Variants in HMCN1 observed in about 807,000 individuals in gnomAD.
The protein encoded by HMCN1 is hemicentin-1.
In HMCN1, 321 loss-of-function variants were observed where a neutral mutation model predicts 625.9. That is an observed-to-expected ratio of 0.51 (90% CI 0.47 to 0.56). HMCN1 has a LOEUF of 0.56. Ranked by LOEUF, HMCN1 falls within the 20% of genes least tolerant of loss-of-function variation. The pLI is 0.00. For missense variants in HMCN1, 6,588 were observed against 6,887.3 expected (o/e 0.96, Z 1.54); for synonymous variants, 2,425 against 2,417.6 (o/e 1.00, Z -0.09).
At chr1:185,795,322 T>C (rs1023800550) in intron 1 of HMCN1, among the ~76,000 whole-genome samples, 13 of 152,208 alleles carry the variant, frequency 8.5e-5, no homozygotes, top group Admixed American at 3.9e-4. Flanking sequence ...TCTTGTTACT[T>C]CATATAATCA....
chr1:186,124,800 T>A (rs1303583758), intron 81 of HMCN1, among the ~76,000 whole-genome samples: 6 of 152,144 alleles, frequency 3.9e-5, no homozygotes, highest in Non-Finnish European at 7.4e-5. Context: ...TCTGATTTGT[T>A]TGAATAATTC....
chr1:185,795,600 T>C (rs897632447), intron 1 of HMCN1, among the ~76,000 whole-genome samples: 10 of 152,146 alleles, frequency 6.6e-5, no homozygotes, highest in Non-Finnish European at 1.3e-4. Context: ...TGTTTGAAGT[T>C]CTCAGAAAAA....
intron 30 of HMCN1, among the ~76,000 whole-genome samples, chr1:186,013,524 T>C (rs1354298534): frequency 1.3e-5 from 2 of 152,118 alleles, no homozygotes; most frequent in Non-Finnish European, 2.9e-5. Context: ...CAGAAAATAT[T>C]AAGGTACACC....
At position 185,776,509 on chromosome 1, in the gene HMCN1, G is replaced by A. The variant is rs537359915; in HGVS notation, c.268+41462G>A. On this transcript the variant is annotated intron_variant, in intron 1 of 106. Transcript: ENST00000271588. Reference sequence around the variant, plus strand: ...TTTAGTCAATGAAAATAGCCATATTGTAATGTGGAGTAAATACAAATCTCT... The same window carrying A: ...TTTAGTCAATGAAAATAGCCATATTATAATGTGGAGTAAATACAAATCTCT... 2.0e-5 allele frequency among the ~76,000 whole-genome samples: 3 copies of A among 151,502 alleles called. No individual in the cohort carries two copies. The East Asian group carries it at 5.8e-4, about 29-fold the overall frequency.
chr1:186,038,341 T>A (rs1245728712), intron 37 of HMCN1, among the ~76,000 whole-genome samples: 3 of 152,232 alleles, frequency 2.0e-5, no homozygotes, highest in African/African-American at 7.2e-5. Context: ...AACTTTTTTT[T>A]AACTTAAAAG....
chr1:185,748,134 A>G lies in HMCN1; in HGVS notation c.268+13087A>G, dbSNP rs770514203. 7.0e-4 allele frequency among the ~76,000 whole-genome samples: 105 copies of G among 149,004 alleles called. 1 individual carries two copies. Among genetic ancestry groups the G allele is most frequent in the Non-Finnish European group, 1.3e-3 (89 of 67,774 alleles). ...CAAAATTTTAAAAAGATATTGTACTATCTGGAATTTCAGTTTTTAAGATTC... is the reference window on the plus strand; with the variant it reads ...CAAAATTTTAAAAAGATATTGTACTGTCTGGAATTTCAGTTTTTAAGATTC... On this transcript the variant is annotated intron_variant, in intron 1 of 106. Transcript: ENST00000271588.
intron 4 of HMCN1, among the ~76,000 whole-genome samples, chr1:185,891,737 C>T (rs1665101256): frequency 6.8e-6 from 1 of 148,102 alleles, no homozygotes; most frequent in African/African-American, 2.7e-5. Context: ...TCTGGCTGCC[C>T]TTAACATTTT....
intron 4 of HMCN1, among the ~76,000 whole-genome samples, chr1:185,879,218 T>C (rs913287416): frequency 3.3e-5 from 5 of 152,230 alleles, no homozygotes. Flanking sequence ...TTGCACAGGC[T>C]AGAGTGCAGT....
chr1:186,015,477 C>T, intron 31 of HMCN1, 40 bp downstream of exon 31: 1 of 1,583,052 alleles, frequency 6.3e-7, no homozygotes, highest in Non-Finnish European at 8.7e-7. Flanking sequence ...ACCTTTCTAC[C>T]TATGCTTTCT....
At chr1:185,928,337 T>G (rs1667378284) in intron 9 of HMCN1, among the ~76,000 whole-genome samples, 1 of 152,176 alleles carries the variant, frequency 6.6e-6, no homozygotes, top group Non-Finnish European at 1.5e-5. Flanking sequence ...TTGTTTATGT[T>G]GTGTCTTTTG....
chr1:186,152,254 C>T (rs952241296), intron 95 of HMCN1, among the ~76,000 whole-genome samples: 7 of 152,298 alleles, frequency 4.6e-5, no homozygotes, highest in Admixed American at 4.6e-4. Flanking sequence ...TTTCAAGCCT[C>T]TTCACAGTTG....
chr1:186,065,486 T>G (rs941156600), intron 49 of HMCN1, 57 bp downstream of exon 49: 2 of 1,327,340 alleles, frequency 1.5e-6, no homozygotes, highest in Non-Finnish European at 2.0e-6. Flanking sequence ...TAGGCTAAAT[T>G]TTCTTTTCTT....
At chr1:186,163,900 G>GC (rs1392022053) in intron 97 of HMCN1, among the ~76,000 whole-genome samples, 2 of 152,142 alleles carry the variant, frequency 1.3e-5, no homozygotes, top group East Asian at 1.9e-4. Context: ...TTAGATGATA[G>GC]CCCCCCTATT....
chr1:186,021,512 T>C (rs7535056), intron 35 of HMCN1, among the ~76,000 whole-genome samples: 98,921 of 151,884 alleles, frequency 0.65, 34,212 homozygotes, highest in African/African-American at 0.91. Flanking sequence ...AAGGGTAAGA[T>C]GAAAAAGAAG....
Position 186,088,680 on chromosome 1 carries a change from G to T in HMCN1, c.9652G>T (p.Asp3218Tyr), listed in dbSNP as rs1307072921. ...KLQIARSQHS[D>Y]SGNYTCIASN... ...CCAGATTGCCCGGTCTCAGCATTCA[G>T]ATAGTGGAAACTATACATGTATTGC... The change falls in exon 63 of 107, where the codon GAT becomes TAT. Residue 3218 changes from aspartate (D) to tyrosine (Y), a missense_variant. By Grantham distance (160) the Asp-to-Tyr change is radical. Transcript: ENST00000271588. The T allele has an allele frequency of 6.2e-7, 1 of 1,611,874 alleles. No individual in the cohort carries two copies. The highest frequency in any genetic ancestry group is 8.5e-7 in the Non-Finnish European group (1 of 1,178,748).
chr1:185,782,367 G>A (rs987068617), intron 1 of HMCN1, among the ~76,000 whole-genome samples: 2 of 152,162 alleles, frequency 1.3e-5, no homozygotes, highest in African/African-American at 4.8e-5. Flanking sequence ...ATATTGTTAT[G>A]TGTGAATGTG....
chr1:185,999,107 C>A (rs1162104593), intron 25 of HMCN1, among the ~76,000 whole-genome samples: 1 of 150,744 alleles, frequency 6.6e-6, no homozygotes, highest in East Asian at 1.9e-4. Flanking sequence ...ATGACATATT[C>A]TACATATTTC....
intron 1 of HMCN1, among the ~76,000 whole-genome samples, chr1:185,760,232 G>A (rs1306536623): frequency 6.6e-6 from 1 of 152,174 alleles, no homozygotes; most frequent in Admixed American, 6.6e-5. Flanking sequence ...CACCTAGAAG[G>A]TGTAAGAATT....
At chr1:185,943,948 A>G (rs1225904765) in intron 11 of HMCN1, among the ~76,000 whole-genome samples, 1 of 152,202 alleles carries the variant, frequency 6.6e-6, no homozygotes, top group African/African-American at 2.4e-5. Context: ...GAATCAGGAC[A>G]AAGACCAGAT....
Sources: gnomAD v4.1 joint callset for allele counts (sites outside exome capture counted in the v4.1 genomes callset) on GRCh38, gnomAD v4.1.1 for gene constraint, MANE v1.5 for transcripts, NCBI Gene and HGNC (gene_info 2026-07-23, HGNC 2026-07-21) for gene names.